The following LGR5 variants were observed in gnomAD, a reference collection of about 807,000 sequenced individuals.
The protein encoded by LGR5 is leucine-rich repeat-containing G protein-coupled receptor 5.
Under a neutral mutation model 76.7 loss-of-function variants are expected in LGR5, and 54 were observed. The observed-to-expected ratio is 0.70, with a 90% CI of 0.57 to 0.88. LGR5 has a LOEUF of 0.88. LGR5 is among the 40% of genes least tolerant of loss of function. The pLI is 0.00. For missense variants in LGR5, 1,078 were observed against 1,073.3 expected (o/e 1.00, Z -0.06); for synonymous variants, 406 against 421.9 (o/e 0.96, Z 0.46).
At chr12:71,468,221 A>C (rs1359045836) in intron 1 of LGR5, among the ~76,000 whole-genome samples, 2 of 152,236 alleles carry the variant, frequency 1.3e-5, no homozygotes, top group African/African-American at 2.4e-5. Flanking sequence ...CTGTTTTTAA[A>C]GGCAACAGTT....
intron 1 of LGR5, among the ~76,000 whole-genome samples, chr12:71,480,197 C>G (rs1265977772): frequency 2.0e-5 from 3 of 151,882 alleles, no homozygotes; most frequent in African/African-American, 7.3e-5. Context: ...AACCCCGTCT[C>G]TACTAAAAAT....
chr12:71,448,526 A>G (rs1387774983), intron 1 of LGR5: 1 of 152,232 alleles, frequency 6.6e-6, no homozygotes, highest in African/African-American at 2.4e-5. Context: ...TGCACAAAAC[A>G]CCACATGGTG....
chr12:71,566,807 A>G, intron 10 of LGR5, 34 bp from the exon 11 acceptor site: 1 of 1,598,770 alleles, frequency 6.3e-7, no homozygotes, highest in Non-Finnish European at 8.6e-7. Context: ...TGATGCCTGA[A>G]TGAAAGAATT....
At chr12:71,481,178 A>G (rs1873583666) in intron 1 of LGR5, among the ~76,000 whole-genome samples, 1 of 152,150 alleles carries the variant, frequency 6.6e-6, no homozygotes, top group Non-Finnish European at 1.5e-5. Context: ...TGCTGCACCT[A>G]TCAAACCATC....
At chr12:71,490,687 A>G (rs1483457666) in intron 1 of LGR5, among the ~76,000 whole-genome samples, 1 of 152,114 alleles carries the variant, frequency 6.6e-6, no homozygotes, top group East Asian at 1.9e-4. Context: ...CACTAGATCT[A>G]ACTGGAGACT....
At chr12:71,491,831 G>T (rs1413721582) in intron 1 of LGR5, among the ~76,000 whole-genome samples, 1 of 148,078 alleles carries the variant, frequency 6.8e-6, no homozygotes, top group Non-Finnish European at 1.5e-5. Flanking sequence ...AGATAACAAA[G>T]TGTTAGGATT....
At chr12:71,443,135 A>T (rs1276749098) in intron 1 of LGR5, among the ~76,000 whole-genome samples, 1 of 152,210 alleles carries the variant, frequency 6.6e-6, no homozygotes, top group Non-Finnish European at 1.5e-5. Context: ...CTTCAAACAG[A>T]TTGATGATGG....
At chr12:71,506,882 G>A (rs943947450) in intron 2 of LGR5, among the ~76,000 whole-genome samples, 2 of 152,118 alleles carry the variant, frequency 1.3e-5, no homozygotes, top group Non-Finnish European at 2.9e-5. Flanking sequence ...AAATTTAGGG[G>A]TTTGGGGAGG....
intron 5 of LGR5, among the ~76,000 whole-genome samples, chr12:71,554,959 T>C (rs1034221733): frequency 6.6e-6 from 1 of 152,194 alleles, no homozygotes; most frequent in Non-Finnish European, 1.5e-5. Flanking sequence ...CTTTGCTTCA[T>C]GCCCACCCAC....
intron 8 of LGR5, among the ~76,000 whole-genome samples, chr12:71,562,961 A>G (rs1465325479): frequency 1.3e-5 from 2 of 152,240 alleles, no homozygotes; most frequent in Non-Finnish European, 2.9e-5. Context: ...GCAAACTAAG[A>G]GTTTTAAAGT....
chr12:71,500,712 T>G (rs1181865755), intron 1 of LGR5, among the ~76,000 whole-genome samples: 2 of 152,120 alleles, frequency 1.3e-5, no homozygotes, highest in Admixed American at 1.3e-4. Flanking sequence ...TCCTCCCACC[T>G]CAGCCTCCCA....
intron 1 of LGR5, among the ~76,000 whole-genome samples, chr12:71,471,179 T>A (rs1048513667): frequency 2.0e-5 from 3 of 152,168 alleles, no homozygotes; most frequent in Non-Finnish European, 4.4e-5. Flanking sequence ...TAGTAAATGA[T>A]TAATAAATAA....
At chr12:71,549,793 A>T (rs1877384294) in intron 4 of LGR5, among the ~76,000 whole-genome samples, 1 of 152,198 alleles carries the variant, frequency 6.6e-6, no homozygotes, top group African/African-American at 2.4e-5. Context: ...AGGACATCTG[A>T]AGGTCTATGC....
At chr12:71,533,960 T>G (rs1876456834) in intron 3 of LGR5, among the ~76,000 whole-genome samples, 1 of 152,200 alleles carries the variant, frequency 6.6e-6, no homozygotes, top group Non-Finnish European at 1.5e-5. Flanking sequence ...CACACCAAGC[T>G]TTGGAGTTAG....
chr12:71,516,417 C>T (rs987554432), intron 2 of LGR5, among the ~76,000 whole-genome samples: 7 of 152,106 alleles, frequency 4.6e-5, no homozygotes, highest in Non-Finnish European at 1.0e-4. Context: ...TCTGAAAATG[C>T]TACTCAGCCA....
chr12:71,577,892 T>C (rs746142306), intron 13 of LGR5, 33 bp from the exon 14 acceptor site: 4 of 1,388,776 alleles, frequency 2.9e-6, no homozygotes, highest in Non-Finnish European at 4.1e-6. Context: ...CTTTATTCTA[T>C]ATAATTCTCT....
At chr12:71,449,888 C>T (rs1303278575) in intron 1 of LGR5, among the ~76,000 whole-genome samples, 1 of 152,156 alleles carries the variant, frequency 6.6e-6, no homozygotes, top group Non-Finnish European at 1.5e-5. Context: ...TCACATTACA[C>T]AATGCAAGAC....
At chr12:71,504,738 T>G in intron 2 of LGR5, 53 bp downstream of exon 2, 1 of 1,366,570 alleles carries the variant, frequency 7.3e-7, no homozygotes, top group Admixed American at 1.7e-5. Context: ...CACATTCTTG[T>G]GTTTGTCTCT....
upstream of LGR5, chr12:71,439,790 G>C (rs1308556422): frequency 7.2e-6 from 3 of 413,852 alleles, no homozygotes; most frequent in Non-Finnish European, 1.3e-5. Context: ...CGTGCAAGCA[G>C]AGATGCTGCT....
Sources: gnomAD v4.1 joint callset for allele counts (sites outside exome capture counted in the v4.1 genomes callset) on GRCh38, gnomAD v4.1.1 for gene constraint, MANE v1.5 for transcripts, NCBI Gene and HGNC (gene_info 2026-07-23, HGNC 2026-07-21) for gene names.